Variants in LRBA observed in about 807,000 individuals in gnomAD.
LRBA encodes lipopolysaccharide-responsive and beige-like anchor protein.
In LRBA, 176 loss-of-function variants were observed where a neutral mutation model predicts 330.0. The observed-to-expected ratio is 0.53, with a 90% CI of 0.47 to 0.60. LRBA has a LOEUF of 0.60. Among genes scored for constraint, LRBA ranks in the 20% least tolerant of loss-of-function variants. LRBA has a pLI of 0.00. For synonymous variants in LRBA, 1,230 were observed against 1,193.0 expected (o/e 1.03, Z -0.64); for missense variants, 3,259 against 3,444.8 (o/e 0.95, Z 1.35).
chr4:150,603,195 A>G (rs928039391), intron 37 of LRBA, among the ~76,000 whole-genome samples: 1 of 152,204 alleles, frequency 6.6e-6, no homozygotes, highest in Admixed American at 6.5e-5. Flanking sequence ...TCCAGGTACT[A>G]AAGTCTTTGA....
intron 37 of LRBA, among the ~76,000 whole-genome samples, chr4:150,655,946 C>A (rs1026601518): frequency 2.0e-5 from 3 of 152,138 alleles, no homozygotes; most frequent in African/African-American, 7.2e-5. Flanking sequence ...CCTAAAACAT[C>A]TTTTTGTATT....
intron 36 of LRBA, among the ~76,000 whole-genome samples, chr4:150,716,448 C>T (rs1208824757): frequency 6.6e-6 from 1 of 152,122 alleles, no homozygotes; most frequent in African/African-American, 2.4e-5. Context: ...ACCTTCGCAA[C>T]TTGTTTTACA....
At chr4:150,387,960 C>T (rs1052228775) in intron 47 of LRBA, among the ~76,000 whole-genome samples, 67 of 152,134 alleles carry the variant, frequency 4.4e-4, no homozygotes, top group African/African-American at 7.2e-5. Flanking sequence ...ATAAAAGACT[C>T]GGGGTGTTTT....
At chr4:151,012,796 G>A (rs1167470967) in intron 2 of LRBA, 2 of 147,768 alleles carry the variant, frequency 1.4e-5, no homozygotes, top group Non-Finnish European at 3.0e-5. Flanking sequence ...TTCTTCAAAA[G>A]TAAGTGAATT....
At chr4:150,446,328 T>C (rs901589699) in intron 44 of LRBA, among the ~76,000 whole-genome samples, 8 of 152,192 alleles carry the variant, frequency 5.3e-5, no homozygotes, top group African/African-American at 1.9e-4. Flanking sequence ...AATGAGCCTA[T>C]GTGGTAGCTT....
At chr4:150,472,604 T>C (rs1357188342) in intron 42 of LRBA, among the ~76,000 whole-genome samples, 1 of 152,130 alleles carries the variant, frequency 6.6e-6, no homozygotes, top group Admixed American at 6.6e-5. Flanking sequence ...AACATTTTCA[T>C]CACTACAAAA....
At chr4:150,518,382 T>A (rs1436602228) in intron 40 of LRBA, among the ~76,000 whole-genome samples, 1 of 152,190 alleles carries the variant, frequency 6.6e-6, no homozygotes, top group Non-Finnish European at 1.5e-5. Flanking sequence ...ATTTTGGGAA[T>A]TTTTTATTTA....
chr4:150,624,644 CAT>C (rs1776672393), intron 37 of LRBA, among the ~76,000 whole-genome samples: 2 of 152,152 alleles, frequency 1.3e-5, no homozygotes, highest in East Asian at 1.9e-4. Flanking sequence ...ATAAACTACA[CAT>C]ATTTATACAA....
chr4:150,996,470 T>A (rs1742653970), intron 2 of LRBA, among the ~76,000 whole-genome samples: 1 of 152,068 alleles, frequency 6.6e-6, no homozygotes, highest in African/African-American at 2.4e-5. Context: ...CCCTAAATAT[T>A]AAAGAGTTGG....
intron 28 of LRBA, among the ~76,000 whole-genome samples, chr4:150,843,473 A>G (rs1301577308): frequency 1.3e-5 from 2 of 152,212 alleles, no homozygotes; most frequent in African/African-American, 4.8e-5. Flanking sequence ...AATTGTCTAC[A>G]TAAGAATTAG....
chr4:150,436,794 T>C lies in LRBA; in HGVS notation c.6851A>G (p.Gln2284Arg). The C allele has an allele frequency of 6.2e-7, 1 of 1,613,698 alleles. No individual in the cohort carries two copies. The highest frequency in any genetic ancestry group is 8.5e-7 in the Non-Finnish European group (1 of 1,179,734). Residue 2284 changes from glutamine (Q) to arginine (R), a missense_variant, in exon 45 of 57, where the codon CAA (glutamine) becomes CGA (arginine). Coordinates refer to ENST00000651943, the MANE Select transcript of LRBA (RefSeq NM_001364905.1). ...AGTACCATAGTGAAACTTTGGAACTTGATCATCTTCCCATGATTCATAACG... is the reference window on the plus strand; with the variant it reads ...AGTACCATAGTGAAACTTTGGAACTCGATCATCTTCCCATGATTCATAACG... ...AERYESWEDD[Q>R]VPKFHYGTHY...
chr4:150,697,329 A>AC (rs1561527470), intron 36 of LRBA, among the ~76,000 whole-genome samples: 10 of 127,554 alleles, frequency 7.8e-5, no homozygotes, highest in African/African-American at 3.6e-4. Context: ...GTCTCAGAAA[A>AC]AAAAAAAAAA....
At chr4:150,917,705 T>C (rs1363561864) in intron 5 of LRBA, among the ~76,000 whole-genome samples, 1 of 152,124 alleles carries the variant, frequency 6.6e-6, no homozygotes. Flanking sequence ...GGCAGGCAGA[T>C]CATCTGCGGT....
At chr4:150,992,769 G>C (rs1368779242) in intron 2 of LRBA, among the ~76,000 whole-genome samples, 1 of 152,130 alleles carries the variant, frequency 6.6e-6, no homozygotes, top group Non-Finnish European at 1.5e-5. Flanking sequence ...ATACAGATTT[G>C]TTTGATAATC....
At chr4:150,310,424 T>G (rs529122027) in intron 51 of LRBA, 40 bp from the exon 52 acceptor site, 1 of 1,475,958 alleles carries the variant, frequency 6.8e-7, no homozygotes, top group Non-Finnish European at 9.4e-7. Context: ...TAAATCCACA[T>G]GGGCAAAGAA....
At chr4:150,479,471 C>T (rs1581432596) in intron 42 of LRBA, among the ~76,000 whole-genome samples, 1 of 152,122 alleles carries the variant, frequency 6.6e-6, no homozygotes, top group East Asian at 1.9e-4. Context: ...CTCTGAAATC[C>T]TCATTAAATT....
At chr4:150,414,040 G>A (rs1262827941) in intron 47 of LRBA, among the ~76,000 whole-genome samples, 2 of 152,142 alleles carry the variant, frequency 1.3e-5, no homozygotes, top group East Asian at 1.9e-4. Context: ...ATAAGACTGT[G>A]ATAGAATAAT....
chr4:150,554,944 A>AT lies in LRBA; in HGVS notation c.6330+33103dup, dbSNP rs977559665. ...ATATTCATTCATTCAAAAAATAAGT[A>AT]TTTTTTGGAAAGCCTAGAGATACAG... is the stretch of plus-strand genomic sequence containing the variant. On this transcript the variant is annotated intron_variant, in intron 40 of 56. Coordinates refer to ENST00000651943, the MANE Select transcript of LRBA (RefSeq NM_001364905.1). Among the ~76,000 whole-genome samples the AT allele has an allele frequency of 2.6e-5, 4 of 152,272 alleles. 1 individual carries two copies. The East Asian group carries it at 7.7e-4, about 29-fold the overall frequency.
intron 17 of LRBA, among the ~76,000 whole-genome samples, chr4:150,885,323 A>G (rs999449125): frequency 2.6e-5 from 4 of 152,164 alleles, no homozygotes; most frequent in African/African-American, 9.7e-5. Flanking sequence ...AAGTGAAAGT[A>G]ACAAAGTGAG....
Sources: gnomAD v4.1 joint callset for allele counts (sites outside exome capture counted in the v4.1 genomes callset) on GRCh38, gnomAD v4.1.1 for gene constraint, MANE v1.5 for transcripts, NCBI Gene and HGNC (gene_info 2026-07-23, HGNC 2026-07-21) for gene names.